The following RANBP2 variants were observed in gnomAD, a reference collection of about 807,000 sequenced individuals.
RANBP2 encodes the protein RAN binding protein 2, also known as E3 SUMO-protein ligase RanBP2.
A neutral mutation model predicts 303.6 loss-of-function variants in RANBP2; 57 were observed. The observed-to-expected ratio is 0.19, with a 90% CI of 0.15 to 0.23. RANBP2 has a LOEUF of 0.23. RANBP2 is among the 10% of genes least tolerant of loss of function. RANBP2 has a pLI of 1.00. For missense variants in RANBP2, 3,138 were observed against 3,780.8 expected, an observed-to-expected ratio of 0.83 and a Z score of 4.46; for synonymous variants, 1,167 against 1,301.5, an observed-to-expected ratio of 0.90 and a Z score of 2.23.
the RANBP2 span, among the ~76,000 whole-genome samples, chr2:109,697,864 T>G: frequency 2.7e-3 from 408 of 150,200 alleles, 3 homozygotes; most frequent in South Asian, 0.013. Flanking sequence ...TAAAGTTTTT[T>G]TTTTTTTTTT....
chr2:109,162,250 G>A, the RANBP2 span, among the ~76,000 whole-genome samples: 123,658 of 152,150 alleles, frequency 0.81, 50,425 homozygotes, highest in East Asian at 0.89. Context: ...AAGACAAGTG[G>A]TGGTGGAGCA....
At chr2:109,068,943 G>A in the RANBP2 span, among the ~76,000 whole-genome samples, 34 of 152,138 alleles carry the variant, frequency 2.2e-4, no homozygotes, top group East Asian at 3.1e-3. Context: ...ATCTTATATC[G>A]GTTGTGAGGA....
the RANBP2 span, among the ~76,000 whole-genome samples, chr2:109,488,509 G>T: frequency 6.6e-6 from 1 of 152,340 alleles, no homozygotes; most frequent in East Asian, 1.9e-4. Flanking sequence ...CAGGCCTTAT[G>T]CCCTGCCTAC....
At chr2:109,483,053 C>T in the RANBP2 span, among the ~76,000 whole-genome samples, 1 of 152,320 alleles carries the variant, frequency 6.6e-6, no homozygotes, top group East Asian at 1.9e-4. Context: ...TTCTATTCCT[C>T]TGCCCTCTCT....
intron 6 of RANBP2, among the ~76,000 whole-genome samples, chr2:108,737,338 T>TC (rs1695673265): frequency 1.5e-5 from 2 of 129,166 alleles, no homozygotes; most frequent in African/African-American, 7.6e-5. Flanking sequence ...TTTCTTTCTT[T>TC]TTTTTTTTTT....
At chr2:108,843,847 TG>T in the RANBP2 span, among the ~76,000 whole-genome samples, 4 of 8,024 alleles carry the variant, frequency 5.0e-4, no homozygotes, top group Admixed American at 0.014. Flanking sequence ...TCATGTTTTG[TG>T]TGTGTGTGTG....
the RANBP2 span, chr2:109,501,948 G>A: frequency 2.5e-6 from 1 of 396,874 alleles, no homozygotes; most frequent in Non-Finnish European, 4.6e-6. Context: ...AGAGGCAGGT[G>A]CCGGCGCAGG....
At chr2:109,249,521 T>TTTCTTTCTTTCTTTCTTTCTTTC in the RANBP2 span, among the ~76,000 whole-genome samples, 1 of 93,660 alleles carries the variant, frequency 1.1e-5, no homozygotes, top group Non-Finnish European at 2.2e-5. Flanking sequence ...TTCTTTCTTT[T>TTTCTTTCTTTCTTTCTTTCTTTC]TCTTTCTTTC....
At chr2:109,526,777 A>G in the RANBP2 span, among the ~76,000 whole-genome samples, 1 of 151,470 alleles carries the variant, frequency 6.6e-6, no homozygotes, top group Non-Finnish European at 1.5e-5. Context: ...CCCTCTCTCC[A>G]CCCTTGCCTG....
chr2:109,199,583 G>GAACCCGTGT, the RANBP2 span, among the ~76,000 whole-genome samples: 1 of 238 alleles, frequency 4.2e-3, no homozygotes, highest in African/African-American at 0.014. Context: ...GGAATGGAAT[G>GAACCCGTGT]GAATGGAATG....
chr2:109,714,128 T>G, the RANBP2 span, among the ~76,000 whole-genome samples: 1 of 152,110 alleles, frequency 6.6e-6, no homozygotes, highest in Non-Finnish European at 1.5e-5. Context: ...TCACCCAGGT[T>G]AGAGTACAGT....
the RANBP2 span, among the ~76,000 whole-genome samples, chr2:109,226,498 A>ACTACATAAGAC: frequency 6.6e-6 from 1 of 152,160 alleles, no homozygotes; most frequent in Non-Finnish European, 1.5e-5. Flanking sequence ...ATAAACCAAA[A>ACTACATAAGAC]ATAAACTGTA....
the RANBP2 span, among the ~76,000 whole-genome samples, chr2:109,189,395 C>T: frequency 2.2e-4 from 33 of 147,194 alleles, no homozygotes; most frequent in African/African-American, 7.8e-4. Context: ...TTTTTTGAGA[C>T]GGAGTCTCTG....
At chr2:109,414,069 A>G in the RANBP2 span, among the ~76,000 whole-genome samples, 7 of 152,132 alleles carry the variant, frequency 4.6e-5, no homozygotes, top group Non-Finnish European at 1.5e-5. Flanking sequence ...CCCCTGGGCT[A>G]TGGGTCTCCT....
chr2:109,065,924 A>C, the RANBP2 span, among the ~76,000 whole-genome samples: 1 of 152,114 alleles, frequency 6.6e-6, no homozygotes, highest in Non-Finnish European at 1.5e-5. Context: ...TCTAGTCTTC[A>C]GCTTCTGTTG....
chr2:109,426,088 T>C, the RANBP2 span, among the ~76,000 whole-genome samples: 1 of 152,156 alleles, frequency 6.6e-6, no homozygotes, highest in African/African-American at 2.4e-5. Flanking sequence ...TATATTTTTT[T>C]AGTAGAGACA....
downstream of RANBP2, chr2:108,786,690 C>G (rs1678798255): frequency 1.2e-6 from 1 of 839,800 alleles, no homozygotes; most frequent in African/African-American, 1.7e-5. Context: ...GGTCGCCCCG[C>G]CCCGCCCTTT....
chr2:109,638,204 C>T, the RANBP2 span, among the ~76,000 whole-genome samples: 1 of 152,130 alleles, frequency 6.6e-6, no homozygotes, highest in East Asian at 1.9e-4. Context: ...CATGGGAGGT[C>T]TTTGTGCTCT....
chr2:108,993,540 G>A, the RANBP2 span, among the ~76,000 whole-genome samples: 1 of 152,288 alleles, frequency 6.6e-6, no homozygotes, highest in African/African-American at 2.4e-5. Flanking sequence ...TTGCACAGAG[G>A]GAGGGCCTTT....
Sources: gnomAD v4.1 joint callset for allele counts (sites outside exome capture counted in the v4.1 genomes callset) on GRCh38, gnomAD v4.1.1 for gene constraint, MANE v1.5 for transcripts, NCBI Gene and HGNC (gene_info 2026-07-23, HGNC 2026-07-21) for gene names.